FSD1L: variants seen among roughly 807,000 people sequenced by gnomAD.
FSD1L encodes FSD1-like protein.
FSD1L carries 45 observed loss-of-function variants against 71.6 expected under a neutral mutation model. The ratio of observed to expected loss-of-function variants is 0.63; its 90% CI spans 0.49 to 0.81. The LOEUF (loss-of-function observed/expected upper bound fraction) is 0.81, where lower values mean the gene tolerates loss of function less well. FSD1L is among the 30% of genes least tolerant of loss of function. The pLI, the probability that FSD1L is intolerant of heterozygous loss-of-function variation, is 0.00. For missense variants in FSD1L, 561 were observed against 618.1 expected (o/e 0.91, Z 0.98); for synonymous variants, 197 against 207.2 (o/e 0.95, Z 0.42).
At chr9:105,540,948 T>G (rs1192259061) in intron 13 of FSD1L, among the ~76,000 whole-genome samples, 8 of 152,180 alleles carry the variant, frequency 5.3e-5, no homozygotes. Flanking sequence ...TTACCATTAC[T>G]TTGGCTAGAG....
At chr9:105,486,539 T>C (rs1268609055) in intron 7 of FSD1L, among the ~76,000 whole-genome samples, 4 of 152,174 alleles carry the variant, frequency 2.6e-5, no homozygotes, top group East Asian at 1.9e-4. Context: ...ACTTTCTTAC[T>C]TAAGAAAGGA....
At chr9:105,481,403 G>C (rs1431789390) in intron 6 of FSD1L, among the ~76,000 whole-genome samples, 1 of 150,582 alleles carries the variant, frequency 6.6e-6, no homozygotes, top group African/African-American at 2.4e-5. Context: ...TCCTGCCTCA[G>C]CCTCCCAAGT....
intron 10 of FSD1L, chr9:105,522,950 A>C: frequency 6.2e-7 from 1 of 1,613,620 alleles, no homozygotes; most frequent in East Asian, 2.2e-5. Flanking sequence ...CTGCCAGTGC[A>C]GGGAGCAGTG....
rs539529751 is a variant in FSD1L, at chr9:105,545,651, T to C, written c.1468-707T>C. Among the ~76,000 whole-genome samples the C allele has an allele frequency of 3.6e-3, 547 of 150,732 alleles. 1 individual carries two copies. The highest frequency in any genetic ancestry group is 0.013 in the African/African-American group (528 of 40,116). ...AGCATGAAGGGCTGTCGAATTTTGG[T>C]AAAGGCCTTTTCTGCATCTATTGAG... On this transcript the variant is annotated intron_variant, in intron 13 of 13. Transcript: ENST00000481272.
rs1463085671 is a variant in FSD1L, at chr9:105,546,386, C to T, written c.1496C>T (p.Thr499Ile). 1 of 1,549,464 alleles carries T rather than the reference C, an allele frequency of 6.5e-7. No homozygotes were observed. Among genetic ancestry groups the T allele is most frequent in the East Asian group, 2.4e-5 (1 of 40,848 alleles). ...MVWCGGLSLS[T>I]GMQVPSAVRT... ...TGGTGTGGTGGACTTTCTTTGAGTA[C>T]TGGGATGCAGGTTCCAAGTGCTGTG... The change falls in exon 14 of 14, where the codon ACT becomes ATT. Residue 499 changes from threonine (T) to isoleucine (I), a missense_variant. Physicochemically the swap from Thr to Ile is moderately conservative, Grantham distance 89 (BLOSUM62 -1). Coordinates refer to ENST00000481272, the MANE Select transcript of FSD1L (RefSeq NM_001145313.3).
chr9:105,459,390 T>A (rs1830552419), intron 1 of FSD1L, among the ~76,000 whole-genome samples: 1 of 152,264 alleles, frequency 6.6e-6, no homozygotes, highest in African/African-American at 2.4e-5. Context: ...GTCCCCATTC[T>A]TGTGAGGGTC....
At chr9:105,539,776 A>G (rs1377824108) in intron 13 of FSD1L, among the ~76,000 whole-genome samples, 1 of 152,040 alleles carries the variant, frequency 6.6e-6, no homozygotes, top group East Asian at 1.9e-4. Flanking sequence ...TATCTTTTTG[A>G]CTCAACATTA....
At chr9:105,531,555 A>G (rs1280386256) in intron 10 of FSD1L, among the ~76,000 whole-genome samples, 1 of 152,200 alleles carries the variant, frequency 6.6e-6, no homozygotes, top group East Asian at 1.9e-4. Context: ...TTCCTTCTCT[A>G]GTTACAAAAG....
intron 9 of FSD1L, 74 bp from the exon 10 acceptor site, chr9:105,512,733 G>C: frequency 9.3e-6 from 7 of 753,378 alleles, no homozygotes; most frequent in Non-Finnish European, 1.4e-5. Flanking sequence ...GGAAAATAAT[G>C]TGGTGATAGC....
intron 7 of FSD1L, among the ~76,000 whole-genome samples, chr9:105,502,688 C>T (rs961435765): frequency 6.6e-6 from 1 of 151,986 alleles, no homozygotes; most frequent in Non-Finnish European, 1.5e-5. Flanking sequence ...TTTAAAACGC[C>T]GTCTTCTCAA....
rs1836204399 is a variant in FSD1L at position 105,535,395 on chromosome 9, A to G, written c.1378+77A>G. ...ACCTTTCACTGGTAATCATCTATAC[A>G]GGATTTCCATTAGTATTGTGGGAAG... On this transcript the variant is annotated intron_variant, in intron 12 of 13. Transcript: ENST00000481272. 6 of 1,426,060 alleles carry G rather than the reference A, an allele frequency of 4.2e-6. No individual in the cohort carries two copies. In the Admixed American group the frequency reaches 8.1e-5, roughly 19 times the overall value. The allele number at this position is 1,426,060 out of a possible 1,614,324, so 88.3% of individuals were successfully genotyped here.
At position 105,484,471 on chromosome 9, in the gene FSD1L, A is replaced by T; in HGVS notation, c.555A>T (p.Arg185Ser). Residue 185 changes from arginine (R) to serine (S), a missense_variant, in exon 7 of 14, where the codon AGA becomes AGT. Coordinates refer to ENST00000481272, the MANE Select transcript of FSD1L (RefSeq NM_001145313.3). ...THLMVDFSQERQMLQTLKFLP... is the reference protein window; with the variant it reads ...THLMVDFSQESQMLQTLKFLP... ...TAATGGTGGATTTCTCACAGGAAAGACAGATGCTGCAAACTTTGAAGTTTT... is the reference window on the plus strand; with the variant it reads ...TAATGGTGGATTTCTCACAGGAAAGTCAGATGCTGCAAACTTTGAAGTTTT... 1 of 1,528,294 alleles carries T rather than the reference A, an allele frequency of 6.5e-7. No individual in the cohort carries two copies. The allele number at this position is 1,528,294 out of a possible 1,614,324, so 94.7% of individuals were successfully genotyped here.
In FSD1L at chr9:105,551,003, G is replaced by A. The variant is rs1837239902; in HGVS notation, c.*4520G>A. The stretch of plus-strand genomic sequence containing the variant: ...TTTGCTTTGGCTTGGAGCTTATTAA[G>A]TTTTGACTACGGTTAAAATAAGTCA... On this transcript the variant is annotated 3_prime_UTR_variant, in exon 14 of 14. Coordinates refer to ENST00000481272, the MANE Select transcript of FSD1L (RefSeq NM_001145313.3). 1 of 152,028 alleles carries A rather than the reference G, an allele frequency of 6.6e-6. No individual in the cohort carries two copies. The allele number at this position is 152,028 out of a possible 1,614,324, so 9.4% of individuals were successfully genotyped here. A position where few individuals can be genotyped will look rare whatever the true frequency, so the allele number is the denominator to read the frequency against.
chr9:105,475,196 T>C (rs945555349), intron 5 of FSD1L, among the ~76,000 whole-genome samples: 3 of 152,162 alleles, frequency 2.0e-5, no homozygotes, highest in African/African-American at 7.2e-5. Context: ...TCCAAGTCAG[T>C]GTAACTAAAT....
chr9:105,544,256 T>C (rs1274955465), intron 13 of FSD1L, among the ~76,000 whole-genome samples: 5 of 152,232 alleles, frequency 3.3e-5, no homozygotes, highest in Non-Finnish European at 7.3e-5. Flanking sequence ...CCATATCCTT[T>C]GCCCACTTTT....
At chr9:105,530,476 A>G (rs1346075136) in intron 10 of FSD1L, 2 of 601,828 alleles carry the variant, frequency 3.3e-6, no homozygotes, top group Non-Finnish European at 5.9e-6. Flanking sequence ...TCTTTTCTCC[A>G]TGCTTCCCTT....
At chr9:105,457,221 T>A (rs962245127) in intron 1 of FSD1L, among the ~76,000 whole-genome samples, 1 of 152,142 alleles carries the variant, frequency 6.6e-6, no homozygotes, top group Non-Finnish European at 1.5e-5. Context: ...GGCTCCTAGG[T>A]AGAAAGCAAG....
At chr9:105,521,995 A>G in intron 10 of FSD1L, 1 of 1,613,332 alleles carries the variant, frequency 6.2e-7, no homozygotes, top group Non-Finnish European at 8.5e-7. Flanking sequence ...ACTTGGGAAC[A>G]CATGCTGCTT....
At chr9:105,452,249 A>T (rs1225316538) in intron 1 of FSD1L, among the ~76,000 whole-genome samples, 1 of 152,144 alleles carries the variant, frequency 6.6e-6, no homozygotes, top group African/African-American at 2.4e-5. Flanking sequence ...TAACCAACCA[A>T]CTGTTCCATG....
Sources: allele counts gnomAD v4.1 joint callset (sites outside exome capture counted in the v4.1 genomes callset), GRCh38; gene constraint gnomAD v4.1.1; transcripts MANE v1.5; gene names NCBI Gene and HGNC (gene_info 2026-07-23, HGNC 2026-07-21).